DGKB: variants seen among roughly 807,000 people sequenced by gnomAD.
The protein encoded by DGKB is 90 kDa diacylglycerol kinase.
A neutral mutation model predicts 114.3 loss-of-function variants in DGKB; 67 were observed. The ratio of observed to expected loss-of-function variants is 0.59; its 90% CI spans 0.48 to 0.72. The LOEUF (loss-of-function observed/expected upper bound fraction) is 0.72. DGKB is among the 30% of genes least tolerant of loss of function. The pLI, the probability that DGKB is intolerant of heterozygous loss-of-function variation, is 0.00. For missense variants in DGKB, 907 were observed against 975.2 expected (o/e 0.93, Z 0.93); for synonymous variants, 398 against 323.1 (o/e 1.23, Z -2.49).
chr7:14,957,029 G>T (rs892439548), intron 1 of DGKB, among the ~76,000 whole-genome samples: 1 of 151,804 alleles, frequency 6.6e-6, no homozygotes, highest in Non-Finnish European at 1.5e-5. Flanking sequence ...TTTTTCAGAG[G>T]CTATCAAATG....
intron 7 of DGKB, among the ~76,000 whole-genome samples, chr7:14,699,449 T>C (rs966736748): frequency 6.6e-6 from 1 of 152,202 alleles, no homozygotes; most frequent in Non-Finnish European, 1.5e-5. Flanking sequence ...AGTTTTCTCG[T>C]TGGTAAAATA....
intron 4 of DGKB, among the ~76,000 whole-genome samples, chr7:14,745,820 C>T (rs1419343741): frequency 6.6e-6 from 1 of 152,174 alleles, no homozygotes; most frequent in Non-Finnish European, 1.5e-5. Context: ...TTAATTTTTC[C>T]TGGTCATGAG....
intron 6 of DGKB, among the ~76,000 whole-genome samples, chr7:14,704,092 T>C: frequency 6.6e-6 from 1 of 152,002 alleles, no homozygotes; most frequent in East Asian, 1.9e-4. Flanking sequence ...ACACCCATTA[T>C]CTTGACTTCT....
intron 6 of DGKB, among the ~76,000 whole-genome samples, chr7:14,705,939 T>A (rs962995192): frequency 1.3e-5 from 2 of 151,524 alleles, no homozygotes; most frequent in Non-Finnish European, 2.9e-5. Flanking sequence ...AACATCATGA[T>A]GACAGGATCA....
intron 2 of DGKB, among the ~76,000 whole-genome samples, chr7:14,789,643 C>T (rs1840386604): frequency 6.6e-6 from 1 of 152,060 alleles, no homozygotes; most frequent in Non-Finnish European, 1.5e-5. Context: ...AAGCCTTGAC[C>T]TCCTGGCTCA....
At chr7:14,434,272 C>T (rs936097613) in intron 21 of DGKB, among the ~76,000 whole-genome samples, 8 of 152,106 alleles carry the variant, frequency 5.3e-5, no homozygotes, top group Admixed American at 2.6e-4. Context: ...ACTATGTCCA[C>T]GTCTCAATCT....
chr7:14,778,883 C>T (rs1185436364), intron 2 of DGKB, among the ~76,000 whole-genome samples: 3 of 152,180 alleles, frequency 2.0e-5, no homozygotes, highest in African/African-American at 7.2e-5. Flanking sequence ...GTGCCAGGCA[C>T]AGTGGCTCAC....
At chr7:14,152,333 T>C (rs1782338692) in intron 25 of DGKB, among the ~76,000 whole-genome samples, 1 of 152,018 alleles carries the variant, frequency 6.6e-6, no homozygotes, top group African/African-American at 2.4e-5. Context: ...TTTTGCAACA[T>C]GATTTTGGTT....
At chr7:14,342,790 A>G (rs1402241334) in intron 22 of DGKB, among the ~76,000 whole-genome samples, 1 of 151,898 alleles carries the variant, frequency 6.6e-6, no homozygotes, top group Non-Finnish European at 1.5e-5. Context: ...CTATTATTCC[A>G]TGATATTCAT....
chr7:14,349,665 G>T (rs1813104658), intron 21 of DGKB, among the ~76,000 whole-genome samples: 1 of 152,026 alleles, frequency 6.6e-6, no homozygotes, highest in Non-Finnish European at 1.5e-5. Flanking sequence ...ATATATGGAG[G>T]TAATAAAATG....
intron 18 of DGKB, among the ~76,000 whole-genome samples, chr7:14,582,183 C>A (rs564394248): frequency 6.6e-6 from 1 of 152,046 alleles, no homozygotes; most frequent in Non-Finnish European, 1.5e-5. Context: ...TTGATCAATG[C>A]GGTAACTGAA....
At chr7:14,878,755 C>CAAAAAAAAAA (rs5882472) in intron 1 of DGKB, among the ~76,000 whole-genome samples, 1 of 113,244 alleles carries the variant, frequency 8.8e-6, no homozygotes. Flanking sequence ...TCTCAAAAAA[C>CAAAAAAAAAA]AAAAAAAAAA....
intron 5 of DGKB, among the ~76,000 whole-genome samples, chr7:14,725,892 A>G (rs1321318925): frequency 1.3e-5 from 2 of 152,172 alleles, no homozygotes; most frequent in Non-Finnish European, 2.9e-5. Flanking sequence ...ACACCAAAAC[A>G]TTGAAACATA....
At chr7:14,193,114 G>A (rs954283874) in intron 23 of DGKB, among the ~76,000 whole-genome samples, 1 of 151,684 alleles carries the variant, frequency 6.6e-6, no homozygotes, top group Admixed American at 6.6e-5. Context: ...GTTCCTAATA[G>A]GCCACAGACC....
intron 23 of DGKB, among the ~76,000 whole-genome samples, chr7:14,242,708 G>A (rs531758704): frequency 6.6e-6 from 1 of 152,070 alleles, no homozygotes; most frequent in African/African-American, 2.4e-5. Context: ...AATTTAATTG[G>A]TGTCCTCAGA....
rs571223144 is a variant in DGKB at position 14,361,684 on chromosome 7, T to C, written c.1836-16293A>G. Among the ~76,000 whole-genome samples the C allele has an allele frequency of 2.6e-5, 4 of 151,984 alleles. No individual in the cohort carries two copies. In the East Asian group the frequency reaches 7.7e-4, roughly 29 times the overall value. The stretch of plus-strand genomic sequence containing the variant: ...AGGAAACATCCCCTCTCTTTTTCTC[T>C]CCAATATTATCTACTATTTTTAAAA... On this transcript the variant is annotated intron_variant, in intron 21 of 25. Transcript: ENST00000402815.
intron 13 of DGKB, among the ~76,000 whole-genome samples, chr7:14,655,339 T>TCA (rs2128910178): frequency 6.6e-6 from 1 of 151,562 alleles, no homozygotes; most frequent in Non-Finnish European, 1.5e-5. Flanking sequence ...CCATAAGATA[T>TCA]CACCTCACCC....
At chr7:14,884,491 A>G (rs1185189726) in intron 1 of DGKB, among the ~76,000 whole-genome samples, 2 of 151,982 alleles carry the variant, frequency 1.3e-5, no homozygotes, top group African/African-American at 4.8e-5. Context: ...GCTTTTTAAA[A>G]TATCTGTACT....
intron 23 of DGKB, among the ~76,000 whole-genome samples, chr7:14,302,858 A>G (rs568721687): frequency 1.3e-5 from 2 of 152,272 alleles, no homozygotes; most frequent in African/African-American, 4.8e-5. Context: ...GCTGTAATGT[A>G]AGATCTATGA....
Sources: allele counts gnomAD v4.1 joint callset (sites outside exome capture counted in the v4.1 genomes callset), GRCh38; gene constraint gnomAD v4.1.1; transcripts MANE v1.5; gene names NCBI Gene and HGNC (gene_info 2026-07-23, HGNC 2026-07-21).